Variants in PINX1 observed in about 807,000 individuals in gnomAD.
PINX1 encodes the protein PIN2 (TERF1) interacting telomerase inhibitor 1.
In PINX1, 34 loss-of-function variants were observed where a neutral mutation model predicts 25.4. The ratio of observed to expected loss-of-function variants is 1.34; its 90% CI spans 1.02 to 1.78. The LOEUF is 1.78. PINX1 is among the 40% of genes most tolerant of loss of function. The probability of loss-of-function intolerance (pLI) is 0.00; values close to 1 mark genes in which losing one functional copy is unlikely to be tolerated. For missense variants in PINX1, 592 were observed against 404.9 expected (o/e 1.46, Z -3.97); for synonymous variants, 197 against 147.7 (o/e 1.33, Z -2.42).
intron 6 of PINX1, among the ~76,000 whole-genome samples, chr8:10,815,724 G>A (rs1026472663): frequency 6.6e-6 from 1 of 152,126 alleles, no homozygotes; most frequent in Non-Finnish European, 1.5e-5. Flanking sequence ...AACTGGTCAC[G>A]ATACCACTTT....
At chr8:10,804,506 T>C (rs967059472) in intron 6 of PINX1, among the ~76,000 whole-genome samples, 4 of 152,042 alleles carry the variant, frequency 2.6e-5, no homozygotes, top group African/African-American at 9.7e-5. Context: ...GCTGCATCTG[T>C]CATACGCTGG....
At chr8:10,771,066 G>A (rs1459796286) in intron 6 of PINX1, 1 of 152,206 alleles carries the variant, frequency 6.6e-6, no homozygotes, top group Non-Finnish European at 1.5e-5. Flanking sequence ...AGCCTGTGCT[G>A]GGTTAGTCTG....
chr8:10,835,047 A>G (rs1644916687), intron 1 of PINX1, among the ~76,000 whole-genome samples: 1 of 152,248 alleles, frequency 6.6e-6, no homozygotes, highest in African/African-American at 2.4e-5. Flanking sequence ...AATGCTCAAT[A>G]TACTAGAGCT....
intron 6 of PINX1, among the ~76,000 whole-genome samples, chr8:10,797,202 TA>T (rs1400959457): frequency 1.3e-5 from 2 of 152,196 alleles, no homozygotes; most frequent in African/African-American, 4.8e-5. Context: ...CAGGTTACTT[TA>T]ACCTTTGTCA....
intron 6 of PINX1, among the ~76,000 whole-genome samples, chr8:10,780,186 C>T (rs536562496): frequency 6.6e-6 from 1 of 152,250 alleles, no homozygotes; most frequent in South Asian, 2.1e-4. Flanking sequence ...TTTTTCCTTT[C>T]CAATTCAGAG....
At chr8:10,792,838 T>C (rs905331395) in intron 6 of PINX1, among the ~76,000 whole-genome samples, 3 of 152,178 alleles carry the variant, frequency 2.0e-5, no homozygotes, top group Non-Finnish European at 4.4e-5. Flanking sequence ...ACTTAGCTCA[T>C]AATGTTTACT....
intron 6 of PINX1, among the ~76,000 whole-genome samples, chr8:10,768,831 C>T (rs923617975): frequency 6.6e-6 from 1 of 152,198 alleles, no homozygotes; most frequent in African/African-American, 2.4e-5. Flanking sequence ...CATGGCATCA[C>T]ATAAAAATAG....
intron 5 of PINX1, among the ~76,000 whole-genome samples, chr8:10,822,295 G>A (rs968383842): frequency 6.6e-6 from 1 of 152,090 alleles, no homozygotes; most frequent in Non-Finnish European, 1.5e-5. Context: ...GAATAAATAC[G>A]ACAAATTTAA....
At chr8:10,815,234 G>A (rs1797662874) in intron 6 of PINX1, among the ~76,000 whole-genome samples, 1 of 152,324 alleles carries the variant, frequency 6.6e-6, no homozygotes, top group South Asian at 2.1e-4. Context: ...GAGCCACTGT[G>A]CCCAGCTAGC....
chr8:10,810,182 G>A (rs1258585623), intron 6 of PINX1, among the ~76,000 whole-genome samples: 6 of 152,318 alleles, frequency 3.9e-5, no homozygotes, highest in East Asian at 1.9e-4. Context: ...CGACACTGGG[G>A]ATTACAATTC....
intron 6 of PINX1, among the ~76,000 whole-genome samples, chr8:10,804,406 G>A (rs1563220451): frequency 2.6e-5 from 4 of 152,272 alleles, no homozygotes; most frequent in Middle Eastern, 6.8e-3. Flanking sequence ...GAAGAGCCCC[G>A]GGAGGTCCGT....
chr8:10,828,159 G>C (rs6984388), intron 4 of PINX1, among the ~76,000 whole-genome samples: 2 of 151,934 alleles, frequency 1.3e-5, no homozygotes, highest in African/African-American at 2.4e-5. Flanking sequence ...AGCCCAGCAC[G>C]GGCTCATTAT....
intron 6 of PINX1, among the ~76,000 whole-genome samples, chr8:10,804,676 C>T (rs1162695565): frequency 3.3e-5 from 5 of 150,912 alleles, no homozygotes; most frequent in South Asian, 2.1e-4. Context: ...ATGGTTTCAT[C>T]GGAAGGAATG....
chr8:10,828,080 TAGTTCCC>T (rs949394831), intron 4 of PINX1, among the ~76,000 whole-genome samples: 13 of 152,120 alleles, frequency 8.5e-5, no homozygotes, highest in South Asian at 2.1e-4. Context: ...TTCAAAGGTA[TAGTTCCC>T]TATGGGAACT....
rs189540782 is a variant in PINX1, at chr8:10,817,283, G to A, written c.471+2910C>T. Among the ~76,000 whole-genome samples, 231 of 152,240 alleles carry A rather than the reference G, an allele frequency of 1.5e-3. 1 individual carries two copies. Among genetic ancestry groups the A allele is most frequent in the Middle Eastern group, 3.4e-3 (1 of 294 alleles). On this transcript the variant is annotated intron_variant, in intron 6 of 6. Coordinates refer to ENST00000314787, the MANE Select transcript of PINX1 (RefSeq NM_017884.6). ...ATGCCAAATATAAATCCAGACCGAC[G>A]GAGCTATGAGAGTCAAGCGAAGCAA... is the stretch of plus-strand genomic sequence containing the variant.
chr8:10,790,311 G>C (rs1801882586), intron 6 of PINX1, among the ~76,000 whole-genome samples: 1 of 152,228 alleles, frequency 6.6e-6, no homozygotes, highest in South Asian at 2.1e-4. Flanking sequence ...CGATGGCAGA[G>C]AAGGCTCTGA....
intron 6 of PINX1, among the ~76,000 whole-genome samples, chr8:10,780,087 C>G (rs1483481824): frequency 6.6e-6 from 1 of 152,218 alleles, no homozygotes; most frequent in Admixed American, 6.5e-5. Context: ...TGCAACTTTA[C>G]TGCATTCATT....
intron 3 of PINX1, 59 bp from the exon 4 acceptor site, chr8:10,831,802 G>C: frequency 2.2e-6 from 2 of 928,882 alleles, no homozygotes; most frequent in African/African-American, 1.6e-5. Flanking sequence ...CACTGACTGA[G>C]ATGATACATT....
Position 10,799,471 on chromosome 8 carries a change from T to C in PINX1, c.471+20722A>G, listed in dbSNP as rs540944518. Among the ~76,000 whole-genome samples, 3 of 152,310 alleles carry C rather than the reference T, an allele frequency of 2.0e-5. No individual in the cohort carries two copies. In the East Asian group the frequency reaches 5.8e-4, roughly 29 times the overall value. ...CCTGGCTCTGCCATTTCTCTTACTC[T>C]GCATTCTAGACCTGCCACCAAAGAT... On this transcript the variant is annotated intron_variant, in intron 6 of 6. Coordinates refer to ENST00000314787, the MANE Select transcript of PINX1 (RefSeq NM_017884.6).
Sources: allele counts gnomAD v4.1 joint callset (sites outside exome capture counted in the v4.1 genomes callset), GRCh38; gene constraint gnomAD v4.1.1; transcripts MANE v1.5; gene names NCBI Gene and HGNC (gene_info 2026-07-23, HGNC 2026-07-21).